The following CCDC157 variants were observed in gnomAD, a reference collection of about 807,000 sequenced individuals.
CCDC157 encodes coiled-coil domain containing 157.
Under a neutral mutation model 70.9 loss-of-function variants are expected in CCDC157, and 60 were observed. The ratio of observed to expected loss-of-function variants is 0.85; its 90% CI spans 0.69 to 1.05. CCDC157 has a LOEUF of 1.05. Ranked by LOEUF, CCDC157 falls within the 50% of genes least tolerant of loss-of-function variation. The pLI is 0.00. For synonymous variants in CCDC157, 373 were observed against 422.4 expected (o/e 0.88, Z 1.43); for missense variants, 943 against 984.2 (o/e 0.96, Z 0.56).
intron 10 of CCDC157, chr22:30,375,979 G>T (rs982186727): frequency 3.7e-6 from 2 of 534,886 alleles, no homozygotes; most frequent in East Asian, 3.2e-5. Flanking sequence ...CTCGAGCCCA[G>T]GAGTTTGAGA....
chr22:30,366,770 A>G (rs1932757072), intron 3 of CCDC157: 1 of 179,216 alleles, frequency 5.6e-6, no homozygotes, highest in South Asian at 1.5e-4. Context: ...TAAAGTTAAC[A>G]TGGTTGGCCG....
rs890567055 is a variant in CCDC157 at position 30,364,525 on chromosome 22, G to A, written c.-11-1465G>A. Among the ~76,000 whole-genome samples the A allele has an allele frequency of 6.6e-5, 10 of 152,190 alleles. No individual in the cohort carries two copies. The South Asian group carries it at 8.3e-4, about 13-fold the overall frequency. On this transcript the variant is annotated intron_variant, in intron 2 of 11. Coordinates refer to ENST00000338306, the MANE Select transcript of CCDC157 (RefSeq NM_001017437.5). ...AAATTGTTTTAAAAATATATATAAT[G>A]GGGCTGGGTGCCGTGGCTCACGCCT...
chr22:30,376,106 TG>T, intron 10 of CCDC157, 152 bp from the exon 11 acceptor site: 1 of 658,400 alleles, frequency 1.5e-6, no homozygotes, highest in Non-Finnish European at 2.6e-6. Context: ...GAATAGGCCC[TG>T]GAAGGCTTCC....
intron 2 of CCDC157, 96 bp from the exon 3 acceptor site, chr22:30,365,894 G>A (rs1236918366): frequency 8.1e-7 from 1 of 1,236,430 alleles, no homozygotes; most frequent in Non-Finnish European, 1.1e-6. Flanking sequence ...TGAACTTCCG[G>A]CCTAGCAGCT....
intron 7 of CCDC157, chr22:30,372,554 T>G: frequency 2.5e-6 from 1 of 397,704 alleles, no homozygotes. Flanking sequence ...CACACTCTCC[T>G]GCCAGATGGC....
Position 30,375,497 on chromosome 22 carries a change from T to G in CCDC157, c.1691T>G (p.Val564Gly). Residue 564 changes from valine to glycine, a missense_variant, in exon 10 of 12, where the codon GTG becomes GGG. Coordinates refer to ENST00000338306, the MANE Select transcript of CCDC157 (RefSeq NM_001017437.5). ...TQIHGGRSSS[V>G]ESQITCPTDS... ...GGCACAGGAGGCAGATCCAGCAGCG[T>G]GGAATCCCAGATAACATGTCCCACA... 6.2e-7 allele frequency: 1 copy of G among 1,614,126 alleles called. No individual in the cohort carries two copies. The highest frequency in any genetic ancestry group is 1.1e-5 in the South Asian group (1 of 91,078).
In CCDC157 at chr22:30,369,434, T is replaced by G; in HGVS notation, c.251T>G (p.Leu84Arg). The G allele has an allele frequency of 6.6e-7, 1 of 1,518,560 alleles. No individual in the cohort carries two copies. The allele number at this position is 1,518,560 out of a possible 1,614,324, so 94.1% of individuals were successfully genotyped here. ...CAACCTAGCATCTCTGCCCGCAGGCTCCTGCTGCTGCTTCAAAGCTGTATG... is the reference window on the plus strand; with the variant it reads ...CAACCTAGCATCTCTGCCCGCAGGCGCCTGCTGCTGCTTCAAAGCTGTATG... ...AVLLELVIDR[L>R]LLLLQSCMSY... Residue 84 changes from leucine (L) to arginine (R), a missense_variant and splice_region_variant, in exon 4 of 12, where the codon CTC becomes CGC. Coordinates refer to ENST00000338306, the MANE Select transcript of CCDC157 (RefSeq NM_001017437.5).
chr22:30,370,054 G>A (rs983791145), intron 4 of CCDC157: 17 of 544,730 alleles, frequency 3.1e-5, no homozygotes, highest in Admixed American at 6.3e-5. Flanking sequence ...AGCTGTGACC[G>A]TCACCATCAC....
rs772087168 is a variant in CCDC157 at position 30,370,757 on chromosome 22, G to A, written c.852G>A (p.Thr284=). The A allele has an allele frequency of 1.1e-5, 17 of 1,613,600 alleles. No individual in the cohort carries two copies. Among genetic ancestry groups the A allele is most frequent in the East Asian group, 4.5e-5 (2 of 44,888 alleles). The change falls in exon 5 of 12, where the codon ACG becomes ACA. Residue 284 remains threonine, a synonymous_variant. Coordinates refer to ENST00000338306, the MANE Select transcript of CCDC157 (RefSeq NM_001017437.5). ...RWAAEQRKDL[T]RLSKHVEALR... ...CAGCAGAGCAGAGGAAAGACCTGAC[G>A]CGCCTCAGTAAGCATGTGGAGGCCC...
At position 30,366,041 on chromosome 22, in the gene CCDC157, T is replaced by C; in HGVS notation, c.41T>C (p.Leu14Pro). 1 of 1,604,678 alleles carries C rather than the reference T, an allele frequency of 6.2e-7. No individual in the cohort carries two copies. Among genetic ancestry groups the C allele is most frequent in the South Asian group, 1.1e-5 (1 of 91,058 alleles). ...GGCAGCCAGGCCTGCATGGAGAGCC[T>C]GCGCACAGACCTCACCGACCTGCAG... is the stretch of plus-strand genomic sequence containing the variant. ...LLGSQACMESLRTDLTDLQGA... is the reference protein window; with the variant it reads ...LLGSQACMESPRTDLTDLQGA... The change falls in exon 3 of 12, where the codon CTG becomes CCG. Residue 14 changes from leucine (L) to proline (P), a missense_variant. Coordinates refer to ENST00000338306, the MANE Select transcript of CCDC157 (RefSeq NM_001017437.5).
intron 3 of CCDC157, 100 bp from the exon 4 acceptor site, chr22:30,369,332 A>C: frequency 1.8e-6 from 2 of 1,096,630 alleles, no homozygotes; most frequent in South Asian, 5.1e-5. Context: ...CAAGCTCTTG[A>C]TGCCTGGGCC....
In CCDC157 at chr22:30,373,701, C is replaced by T; in HGVS notation, c.1440C>T (p.Ala480=). Residue 480 remains alanine (A), a synonymous_variant, in exon 8 of 12, where the codon GCC becomes GCT. Coordinates refer to ENST00000338306, the MANE Select transcript of CCDC157 (RefSeq NM_001017437.5). ...GSLDEAEAQR[A]RVEEQLQSER... is the part of the protein sequence containing the mutation. ...TGGACGAGGCTGAGGCCCAGCGGGC[C>T]CGCGTGGAGGAGCAGCTGCAGAGCG... 8.4e-6 allele frequency: 13 copies of T among 1,553,164 alleles called. No individual in the cohort carries two copies. The highest frequency in any genetic ancestry group is 1.1e-5 in the Non-Finnish European group (13 of 1,148,708).
chr22:30,361,548 TC>T (rs1337784630), intron 1 of CCDC157, among the ~76,000 whole-genome samples: 1 of 152,166 alleles, frequency 6.6e-6, no homozygotes, highest in Non-Finnish European at 1.5e-5. Context: ...GGGTAGCATT[TC>T]CTGTACCCCA....
At chr22:30,356,712 G>C (rs755562915), upstream of CCDC157, 16 of 1,479,356 alleles carry the variant, frequency 1.1e-5, no homozygotes, top group Non-Finnish European at 1.4e-5. Context: ...TGCAGGCTGA[G>C]GGGCGGGGGA....
intron 2 of CCDC157, 51 bp from the exon 3 acceptor site, chr22:30,365,939 T>C (rs984859658): frequency 2.7e-5 from 41 of 1,506,244 alleles, no homozygotes; most frequent in Non-Finnish European, 3.5e-5. Context: ...AGTTTCCTCC[T>C]GCAGCAGCCA....
Position 30,376,485 on chromosome 22 carries a change from G to C in CCDC157, c.1999G>C (p.Gly667Arg). 1 of 1,611,450 alleles carries C rather than the reference G, an allele frequency of 6.2e-7. No homozygotes were observed. Among genetic ancestry groups the C allele is most frequent in the Non-Finnish European group, 8.5e-7 (1 of 1,179,490 alleles). Residue 667 changes from glycine (G) to arginine (R), a missense_variant, in exon 12 of 12, where the codon GGC (glycine) becomes CGC (arginine). Physicochemically the swap from Gly to Arg is moderately radical, Grantham distance 125 (BLOSUM62 -2). Coordinates refer to ENST00000338306, the MANE Select transcript of CCDC157 (RefSeq NM_001017437.5). ...CAGCAGGACGGGTAGGACCCTGCTG[G>C]GCCAGCCCTGCACATCCCCACCTCG... Reference protein sequence around the residue: ...PSSRTGRTLLGQPCTSPPRQP... With the variant: ...PSSRTGRTLLRQPCTSPPRQP...
rs1396480717 is a variant in CCDC157, at chr22:30,369,480, C to T, written c.297C>T (p.Gly99=). 6.3e-7 allele frequency: 1 copy of T among 1,585,980 alleles called. No individual in the cohort carries two copies. Among genetic ancestry groups the T allele is most frequent in the Non-Finnish European group, 8.6e-7 (1 of 1,164,726 alleles). Residue 99 remains glycine (G), a synonymous_variant, in exon 4 of 12, where the codon GGC becomes GGT. Coordinates refer to ENST00000338306, the MANE Select transcript of CCDC157 (RefSeq NM_001017437.5). The part of the protein sequence containing the change: ...QSCMSYLENL[G]SEQMMPPAQA... ...GTATGAGCTACTTGGAGAACCTTGG[C>T]TCAGAGCAGATGATGCCCCCTGCAC...
At chr22:30,375,870 C>G (rs1933316691) in intron 10 of CCDC157, 2 of 582,318 alleles carry the variant, frequency 3.4e-6, no homozygotes, top group South Asian at 2.3e-5. Context: ...CCCTCTATAG[C>G]TGTCATTCCT....
At position 30,370,631 on chromosome 22, in the gene CCDC157, T is replaced by C; in HGVS notation, c.726T>C (p.Cys242=). 6.2e-7 allele frequency: 1 copy of C among 1,614,076 alleles called. No homozygotes were observed. The highest frequency in any genetic ancestry group is 8.5e-7 in the Non-Finnish European group (1 of 1,180,028). The part of the protein sequence containing the change: ...QKVGKVVISL[C]QSQNLPSSLG... ...TGGGCAAGGTGGTCATCAGCCTGTG[T>C]CAGAGCCAGAACCTGCCCTCGTCCT... Residue 242 remains cysteine, a synonymous_variant, in exon 5 of 12, where the codon TGT becomes TGC. Coordinates refer to ENST00000338306, the MANE Select transcript of CCDC157 (RefSeq NM_001017437.5).
Sources: allele counts gnomAD v4.1 joint callset (sites outside exome capture counted in the v4.1 genomes callset), GRCh38; gene constraint gnomAD v4.1.1; transcripts MANE v1.5; gene names NCBI Gene and HGNC (gene_info 2026-07-23, HGNC 2026-07-21).